Variants in INPP5F observed in about 807,000 individuals in gnomAD.
The protein encoded by INPP5F is inositol polyphosphate-5-phosphatase F.
A neutral mutation model predicts 137.2 loss-of-function variants in INPP5F; 97 were observed. The observed-to-expected ratio is 0.71, with a 90% confidence interval of 0.60 to 0.84. INPP5F has a LOEUF of 0.84. Ranked by LOEUF, INPP5F falls within the 40% of genes least tolerant of loss-of-function variation. The probability of loss-of-function intolerance (pLI) is 0.00; values close to 1 mark genes in which losing one functional copy is unlikely to be tolerated. For missense variants in INPP5F, 1,271 were observed against 1,371.9 expected (o/e 0.93, Z 1.16); for synonymous variants, 504 against 476.9 (o/e 1.06, Z -0.74).
intron 4 of INPP5F, 57 bp downstream of exon 4, chr10:119,791,702 A>C (rs1850152122): frequency 6.1e-6 from 9 of 1,471,228 alleles, no homozygotes; most frequent in Non-Finnish European, 8.4e-6. Flanking sequence ...TTAAATAGAG[A>C]GATAATTCTC....
intron 2 of INPP5F, among the ~76,000 whole-genome samples, chr10:119,772,425 A>G (rs1302995708): frequency 4.6e-5 from 7 of 151,986 alleles, no homozygotes; most frequent in South Asian, 4.2e-4. Flanking sequence ...AGCTCTTTCT[A>G]TTTCGTAAAT....
rs762121541 is a variant in INPP5F, at chr10:119,827,154, C to T, written c.2773C>T (p.His925Tyr). ...VHAPSEITVA[H>Y]GSGLGKGQES... ...TGCTCCTTCAGAGATTACTGTTGCT[C>T]ATGGGAGTGGGCTTGGAAAAGGCCA... The change falls in exon 20 of 20, where the codon CAT becomes TAT. Residue 925 changes from histidine (H) to tyrosine (Y), a missense_variant. His to Tyr is a moderately conservative substitution (Grantham distance 83, BLOSUM62 2). Around this residue, in one of 6 missense-constraint regions of INPP5F, gnomAD observed 490 missense variants for 443.7 expected, o/e 1.10. Transcript: ENST00000650623. The T allele has an allele frequency of 4.3e-6, 7 of 1,613,950 alleles. No individual in the cohort carries two copies. The highest frequency in any genetic ancestry group is 1.6e-4 in the Middle Eastern group (1 of 6,082).
intron 2 of INPP5F, among the ~76,000 whole-genome samples, chr10:119,752,131 G>A (rs917835372): frequency 1.3e-5 from 2 of 152,138 alleles, no homozygotes; most frequent in Non-Finnish European, 2.9e-5. Flanking sequence ...AAATAAGCAC[G>A]TATATCTGGA....
chr10:119,743,518 G>A (rs532161066), intron 1 of INPP5F, among the ~76,000 whole-genome samples: 1 of 152,222 alleles, frequency 6.6e-6, no homozygotes, highest in East Asian at 1.9e-4. Context: ...GGGTGGAGTG[G>A]GGAATGTGTC....
At chr10:119,745,930 C>G (rs1288108436) in intron 1 of INPP5F, among the ~76,000 whole-genome samples, 1 of 152,010 alleles carries the variant, frequency 6.6e-6, no homozygotes, top group African/African-American at 2.4e-5. Context: ...GTCTTGAACT[C>G]CTGACCTGTG....
At chr10:119,794,400 A>G (rs1850252578) in intron 6 of INPP5F, among the ~76,000 whole-genome samples, 1 of 152,112 alleles carries the variant, frequency 6.6e-6, no homozygotes, top group South Asian at 2.1e-4. Flanking sequence ...ACAAAATGAA[A>G]AGTCTCCCAC....
At chr10:119,819,305 TTGGGGG>T in intron 15 of INPP5F, 3 of 374,094 alleles carry the variant, frequency 8.0e-6, no homozygotes, top group Non-Finnish European at 1.1e-5. Context: ...TTCAGTAAAA[TTGGGGG>T]TGGGGGGAGG....
At chr10:119,739,619 CTG>C (rs1848316499) in intron 1 of INPP5F, among the ~76,000 whole-genome samples, 1 of 152,064 alleles carries the variant, frequency 6.6e-6, no homozygotes, top group African/African-American at 2.4e-5. Context: ...ACTTAATAGT[CTG>C]TCTGTATTTA....
At chr10:119,799,094 TG>T (rs1287983270) in intron 9 of INPP5F, among the ~76,000 whole-genome samples, 2 of 152,234 alleles carry the variant, frequency 1.3e-5, no homozygotes, top group African/African-American at 4.8e-5. Context: ...TTTTTCAGTA[TG>T]TTTTTTTCTC....
intron 2 of INPP5F, among the ~76,000 whole-genome samples, chr10:119,776,662 C>CTGTG (rs34501428): frequency 6.6e-5 from 10 of 150,870 alleles, no homozygotes; most frequent in South Asian, 4.2e-4. Context: ...GGGCCTTCCT[C>CTGTG]TGTGTGTGTG....
intron 9 of INPP5F, among the ~76,000 whole-genome samples, chr10:119,802,838 A>G (rs1850639704): frequency 6.6e-6 from 1 of 152,234 alleles, no homozygotes; most frequent in Non-Finnish European, 1.5e-5. Flanking sequence ...AGTAGGAGCT[A>G]GTGCCCATTT....
At chr10:119,753,856 T>C (rs1179033893) in intron 2 of INPP5F, among the ~76,000 whole-genome samples, 1 of 152,182 alleles carries the variant, frequency 6.6e-6, no homozygotes, top group African/African-American at 2.4e-5. Context: ...ACACACTTTT[T>C]AATGAAGAAC....
chr10:119,792,985 G>A (rs1348008498), intron 6 of INPP5F, among the ~76,000 whole-genome samples: 1 of 151,692 alleles, frequency 6.6e-6, no homozygotes, highest in Non-Finnish European at 1.5e-5. Context: ...TGGTGTCTTC[G>A]CTAGATACCC....
chr10:119,820,503 C>G (rs954091970), intron 15 of INPP5F, among the ~76,000 whole-genome samples: 11 of 152,168 alleles, frequency 7.2e-5, no homozygotes, highest in Non-Finnish European at 1.5e-5. Flanking sequence ...CTCACTCTCA[C>G]GTATTTCTTT....
In INPP5F at chr10:119,748,935, C is replaced by T. The variant is rs973260473; in HGVS notation, c.98-2141C>T. ...CCAGGCTGTTTGGGCTGAGGGGTGC[C>T]TGCAGGCCCACTTGGAGCTGCCCTC... On this transcript the variant is annotated intron_variant, in intron 1 of 19. Coordinates refer to ENST00000650623, the MANE Select transcript of INPP5F (RefSeq NM_014937.4). The surrounding 1 kb of genome is among the most constrained non-coding windows in gnomAD (Gnocchi z 4.7). 6.6e-6 allele frequency among the ~76,000 whole-genome samples: 1 copy of T among 152,192 alleles called. No homozygotes were observed. Among genetic ancestry groups the T allele is most frequent in the Non-Finnish European group, 1.5e-5 (1 of 68,034 alleles).
chr10:119,753,037 A>G (rs1371041713), intron 2 of INPP5F, among the ~76,000 whole-genome samples: 2 of 152,050 alleles, frequency 1.3e-5, no homozygotes, highest in Non-Finnish European at 2.9e-5. Context: ...AATTCTTTCA[A>G]CACAGAGGAG....
At chr10:119,791,667 G>A (rs1589718781) in intron 4 of INPP5F, 22 bp downstream of exon 4, 1 of 1,569,366 alleles carries the variant, frequency 6.4e-7, no homozygotes, top group African/African-American at 1.4e-5. Context: ...ATTGATATAG[G>A]CTTTGAATTC....
intron 9 of INPP5F, among the ~76,000 whole-genome samples, chr10:119,803,186 T>A (rs1381016382): frequency 6.6e-6 from 1 of 152,200 alleles, no homozygotes; most frequent in East Asian, 1.9e-4. Context: ...TAAAATTTTT[T>A]AAAGTTATGC....
At chr10:119,764,799 A>G (rs541928057) in intron 2 of INPP5F, among the ~76,000 whole-genome samples, 2 of 151,932 alleles carry the variant, frequency 1.3e-5, no homozygotes, top group Admixed American at 1.3e-4. Context: ...GCTGGTCTTG[A>G]ACTCCTGACC....
Sources: gnomAD v4.1 joint callset for allele counts (sites outside exome capture counted in the v4.1 genomes callset) on GRCh38, gnomAD v4.1.1 for gene constraint, gnomAD v4.1.1 regional missense constraint, Gnocchi (gnomAD v3.1) non-coding constraint, MANE v1.5 for transcripts, NCBI Gene and HGNC (gene_info 2026-07-23, HGNC 2026-07-21) for gene names.